TBC1D4: variants seen among roughly 807,000 people sequenced by gnomAD.
TBC1D4 encodes the protein TBC1 domain family member 4.
In TBC1D4, 121 loss-of-function variants were observed where a neutral mutation model predicts 142.5. That is an observed-to-expected ratio of 0.85 (90% confidence interval 0.73 to 0.99). The LOEUF (loss-of-function observed/expected upper bound fraction) is 0.99, where lower values mean the gene tolerates loss of function less well. Among genes scored for constraint, TBC1D4 ranks in the 50% least tolerant of loss-of-function variants. The pLI is 0.00. For missense variants in TBC1D4, 1,475 were observed against 1,606.6 expected (o/e 0.92, Z 1.40); for synonymous variants, 630 against 628.2 (o/e 1.00, Z -0.04).
At chr13:75,351,890 CAATGGCTAAT>C (rs1413026492) in intron 4 of TBC1D4, among the ~76,000 whole-genome samples, 3 of 152,196 alleles carry the variant, frequency 2.0e-5, no homozygotes, top group Non-Finnish European at 4.4e-5. Flanking sequence ...AGGTCTACTT[CAATGGCTAAT>C]TAACCACCCA....
intron 1 of TBC1D4, among the ~76,000 whole-genome samples, chr13:75,397,976 T>C (rs1445557700): frequency 1.3e-5 from 2 of 152,140 alleles, no homozygotes; most frequent in Non-Finnish European, 2.9e-5. Context: ...CCAGCAGCTA[T>C]AACAAAAGTC....
At chr13:75,380,473 CAA>C (rs905334268) in intron 1 of TBC1D4, among the ~76,000 whole-genome samples, 1 of 137,100 alleles carries the variant, frequency 7.3e-6, no homozygotes, top group Admixed American at 7.2e-5. Context: ...ACTCCATCTC[CAA>C]AAAAAAAAGG....
intron 1 of TBC1D4, among the ~76,000 whole-genome samples, chr13:75,476,310 A>C (rs1415663780): frequency 6.6e-6 from 1 of 152,204 alleles, no homozygotes; most frequent in East Asian, 1.9e-4. Context: ...ACATAGCCTC[A>C]AGGTAATTTT....
At chr13:75,376,935 C>A (rs1177279169) in intron 1 of TBC1D4, among the ~76,000 whole-genome samples, 1 of 152,144 alleles carries the variant, frequency 6.6e-6, no homozygotes, top group African/African-American at 2.4e-5. Flanking sequence ...ACGTGTGTAA[C>A]CAGCATTTAT....
rs1174928518 is a variant in TBC1D4 at position 75,285,700 on chromosome 13, G to C, written c.*1092C>G. 1 of 152,602 alleles carries C rather than the reference G, an allele frequency of 6.6e-6. No homozygotes were observed. The highest frequency in any genetic ancestry group is 2.4e-5 in the African/African-American group (1 of 41,442). 9.5% of individuals were successfully genotyped at this position (152,602 alleles called of 1,614,324 possible). ...AGTTCTCAAAACTTTTCACATAAAA[G>C]GGGAAGATTATTAAAGCTTATTAGA... On this transcript the variant is annotated 3_prime_UTR_variant, in exon 21 of 21. Transcript: ENST00000377636.
At chr13:75,465,639 T>C (rs1459117053) in intron 1 of TBC1D4, among the ~76,000 whole-genome samples, 2 of 152,036 alleles carry the variant, frequency 1.3e-5, no homozygotes, top group Non-Finnish European at 2.9e-5. Context: ...CAAAGGGCAT[T>C]CCAAAGTTAA....
intron 1 of TBC1D4, among the ~76,000 whole-genome samples, chr13:75,388,315 A>C (rs1008158094): frequency 1.3e-5 from 2 of 152,192 alleles, no homozygotes; most frequent in East Asian, 3.8e-4. Context: ...GCACATATTT[A>C]AGGGGCCATA....
At position 75,284,655 on chromosome 13, in the gene TBC1D4, G is replaced by C. The variant is rs1191992012; in HGVS notation, c.*2137C>G. ...CCAAGAGCTGCTTCTCTCCCGAAAA[G>C]TAACAGTATACGTCAAGAAAGCTGC... On this transcript the variant is annotated 3_prime_UTR_variant, in exon 21 of 21. Transcript: ENST00000377636. The C allele has an allele frequency of 6.6e-6, 1 of 152,210 alleles. No individual in the cohort carries two copies. Among genetic ancestry groups the C allele is most frequent in the Non-Finnish European group, 1.5e-5 (1 of 68,050 alleles). 9.4% of individuals were successfully genotyped at this position (152,210 alleles called of 1,614,324 possible). A position where few individuals can be genotyped will look rare whatever the true frequency, so the allele number is the denominator to read the frequency against.
intron 1 of TBC1D4, among the ~76,000 whole-genome samples, chr13:75,428,599 G>C (rs1886472013): frequency 6.6e-6 from 1 of 152,094 alleles, no homozygotes; most frequent in Admixed American, 6.5e-5. Flanking sequence ...ACAGAATCAG[G>C]TGACTGAACA....
chr13:75,308,258 T>C (rs377363465), intron 14 of TBC1D4, among the ~76,000 whole-genome samples: 4 of 152,360 alleles, frequency 2.6e-5, no homozygotes, highest in African/African-American at 9.6e-5. Flanking sequence ...ACCTCCTTTC[T>C]TAACCTGTAA....
chr13:75,375,016 A>T (rs1312277492), intron 1 of TBC1D4, among the ~76,000 whole-genome samples: 2 of 152,184 alleles, frequency 1.3e-5, no homozygotes, highest in African/African-American at 2.4e-5. Context: ...AGTGACAGGT[A>T]AAGAGGTGCA....
chr13:75,439,145 G>C (rs1402246891), intron 1 of TBC1D4, among the ~76,000 whole-genome samples: 1 of 152,144 alleles, frequency 6.6e-6, no homozygotes, highest in Non-Finnish European at 1.5e-5. Context: ...CCTTATCCAA[G>C]AGGTAATTCC....
chr13:75,310,142 T>A lies in TBC1D4; in HGVS notation c.2393A>T (p.Asp798Val). 6.2e-7 allele frequency: 1 copy of A among 1,613,648 alleles called. No homozygotes were observed. The highest frequency in any genetic ancestry group is 8.5e-7 in the Non-Finnish European group (1 of 1,179,790). The change falls in exon 14 of 21, where the codon GAC becomes GTC. Residue 798 changes from aspartate (D) to valine (V), a missense_variant. Asp to Val is a radical substitution (Grantham distance 152). Transcript: ENST00000377636. ...GGACAGTGGCAGCAGCTCGTTCCTG[T>A]CCAATCCATCTGCAGAGAAGAACAC... ...PSAMQQQDGLDRNELLPLSPL... is the reference protein window; with the variant it reads ...PSAMQQQDGLVRNELLPLSPL...
At position 75,387,422 on chromosome 13, in the gene TBC1D4, T is replaced by A. The variant is rs540008313; in HGVS notation, c.499-24815A>T. ...AAACTATATCAGTGAACTTTCTACA[T>A]TCTGTCCCATTGAAATCCACTTCTT... On this transcript the variant is annotated intron_variant, in intron 1 of 20. Transcript: ENST00000377636. Among the ~76,000 whole-genome samples, 18 of 152,348 alleles carry A rather than the reference T, an allele frequency of 1.2e-4. No individual in the cohort carries two copies. The East Asian group carries it at 3.3e-3, about 28-fold the overall frequency.
intron 1 of TBC1D4, among the ~76,000 whole-genome samples, chr13:75,393,346 A>G (rs1418033233): frequency 1.3e-5 from 2 of 152,126 alleles, no homozygotes; most frequent in Non-Finnish European, 2.9e-5. Context: ...TCAGTAGAAC[A>G]ATTAATACTG....
At chr13:75,422,193 G>A (rs1886198352) in intron 1 of TBC1D4, among the ~76,000 whole-genome samples, 1 of 152,054 alleles carries the variant, frequency 6.6e-6, no homozygotes, top group South Asian at 2.1e-4. Context: ...GAGCAAAGAT[G>A]AGTTCATCTG....
chr13:75,471,064 T>A (rs1316030723), intron 1 of TBC1D4, among the ~76,000 whole-genome samples: 1 of 152,006 alleles, frequency 6.6e-6, no homozygotes, highest in Admixed American at 6.5e-5. Flanking sequence ...ATATTCTTTA[T>A]TCTAAAGAAG....
intron 1 of TBC1D4, among the ~76,000 whole-genome samples, chr13:75,420,298 T>C (rs181764842): frequency 1.1e-3 from 165 of 152,304 alleles, no homozygotes; most frequent in African/African-American, 3.9e-3. Flanking sequence ...GCTCACTAGC[T>C]ATAGCTAGCC....
At chr13:75,314,999 A>T (rs991041961) in intron 12 of TBC1D4, among the ~76,000 whole-genome samples, 4 of 146,058 alleles carry the variant, frequency 2.7e-5, no homozygotes, top group Non-Finnish European at 4.5e-5. Context: ...TTATAATTAA[A>T]TTTTTTTTTT....
Sources: gnomAD v4.1 joint callset for allele counts (sites outside exome capture counted in the v4.1 genomes callset) on GRCh38, gnomAD v4.1.1 for gene constraint, MANE v1.5 for transcripts, NCBI Gene and HGNC (gene_info 2026-07-23, HGNC 2026-07-21) for gene names.